Variants in SIN3A observed in about 807,000 individuals in gnomAD.
SIN3A encodes the protein paired amphipathic helix protein Sin3a.
Under a neutral mutation model 146.1 loss-of-function variants are expected in SIN3A, and 14 were observed. The observed-to-expected ratio is 0.10, with a 90% confidence interval of 0.06 to 0.15. SIN3A has a LOEUF of 0.15. Among genes scored for constraint, SIN3A ranks in the 10% least tolerant of loss-of-function variants. SIN3A has a pLI of 1.00. For synonymous variants in SIN3A, 572 were observed against 572.0 expected (o/e 1.00, Z 0.00); for missense variants, 1,028 against 1,576.0 (o/e 0.65, Z 5.89).
intron 3 of SIN3A, chr15:75,420,363 T>A (rs1270899307): frequency 6.6e-6 from 1 of 152,096 alleles, no homozygotes; most frequent in African/African-American, 2.4e-5. Context: ...TGTGTAAGCA[T>A]TCTCACTGAA....
chr15:75,407,842 G>A (rs936818969), intron 8 of SIN3A, among the ~76,000 whole-genome samples: 2 of 122,666 alleles, frequency 1.6e-5, no homozygotes, highest in African/African-American at 3.2e-5. Context: ...GCAGTGAGCC[G>A]AGATCACGCC....
In SIN3A at chr15:75,396,362, G is replaced by A. The variant is rs149841231; in HGVS notation, c.1989C>T (p.Val663=). Residue 663 remains valine (V), a synonymous_variant, in exon 13 of 21, where the codon GTC becomes GTT. Transcript: ENST00000394947. The part of the protein sequence containing the change: ...LDNTLGGTSE[V]IHRKALQRIY... ...TCCTCTGGAGTGCTTTTCTATGGAT[G>A]ACTTCTGATGTGCCCCCAAGGGTGT... 61 of 1,614,116 alleles carry A rather than the reference G, an allele frequency of 3.8e-5. No homozygotes were observed. In the African/African-American group the frequency reaches 7.6e-4, roughly 20 times the overall value.
At chr15:75,450,801 T>A (rs905693637) in intron 1 of SIN3A, among the ~76,000 whole-genome samples, 5 of 151,888 alleles carry the variant, frequency 3.3e-5, no homozygotes, top group Non-Finnish European at 7.4e-5. Flanking sequence ...GCGCCGAGAC[T>A]CCCAGCCAGA....
intron 1 of SIN3A, among the ~76,000 whole-genome samples, chr15:75,436,044 T>C (rs549515231): frequency 6.6e-6 from 1 of 151,818 alleles, no homozygotes; most frequent in Admixed American, 6.6e-5. Context: ...GAAGGATCTC[T>C]TGACCTCAGA....
At chr15:75,411,247 G>A (rs2073633207) in intron 6 of SIN3A, among the ~76,000 whole-genome samples, 5 of 152,216 alleles carry the variant, frequency 3.3e-5, no homozygotes, top group Admixed American at 3.3e-4. Flanking sequence ...AGTATCACTT[G>A]AGCCCGGGAG....
At chr15:75,416,089 T>C in intron 3 of SIN3A, 1 of 230,634 alleles carries the variant, frequency 4.3e-6, no homozygotes, top group South Asian at 6.5e-5. Flanking sequence ...GTTATGAAGT[T>C]TGTAAATTTT....
Position 75,392,277 on chromosome 15 carries a change from T to C in SIN3A, c.2816A>G (p.Asp939Gly), listed in dbSNP as rs1329846880. The change falls in exon 15 of 21, where the codon GAC becomes GGC. Residue 939 changes from aspartate to glycine, a missense_variant. By Grantham distance (94) the Asp-to-Gly change is moderately conservative. Coordinates refer to ENST00000394947, the MANE Select transcript of SIN3A (RefSeq NM_001145358.2). ...GAGACGTAGCTGAATGGCAGGGCTG[T>C]CACTCTTGTCTCGCTTTATGCCCAG... ...EVLGIKRDKS[D>G]SPAIQLRLKE... The C allele has an allele frequency of 6.2e-7, 1 of 1,614,054 alleles. No individual in the cohort carries two copies. Among genetic ancestry groups the C allele is most frequent in the South Asian group, 1.1e-5 (1 of 91,086 alleles).
chr15:75,379,108 C>T (rs1595887346), intron 19 of SIN3A, among the ~76,000 whole-genome samples: 1 of 152,062 alleles, frequency 6.6e-6, no homozygotes, highest in Non-Finnish European at 1.5e-5. Context: ...ACTGTGTTAG[C>T]CAGGATGGTC....
intron 19 of SIN3A, chr15:75,376,111 G>A (rs147420993): frequency 3.8e-4 from 213 of 562,870 alleles, no homozygotes; most frequent in African/African-American, 3.6e-3. Flanking sequence ...CCAGTTAAGA[G>A]TTTTAATGAG....
Position 75,414,291 on chromosome 15 carries a change from A to G in SIN3A, c.387T>C (p.Tyr129=), listed in dbSNP as rs1347788001. 1.1e-5 allele frequency: 17 copies of G among 1,531,286 alleles called. No individual in the cohort carries two copies. Among genetic ancestry groups the G allele is most frequent in the Middle Eastern group, 1.7e-4 (1 of 5,748 alleles). 94.9% of individuals were successfully genotyped at this position (1,531,286 alleles called of 1,614,324 possible). ...QRLKVEDALS[Y]LDQVKLQFGS... ...CAAACTGCAGCTTCACCTGGTCAAG[A>G]TAAGATAGCGCATCCTCCACCTGAG... The change falls in exon 4 of 21, where the codon TAT becomes TAC. Residue 129 remains tyrosine, a synonymous_variant. Transcript: ENST00000394947.
At chr15:75,397,469 C>T (rs2073326576) in intron 12 of SIN3A, among the ~76,000 whole-genome samples, 1 of 152,150 alleles carries the variant, frequency 6.6e-6, no homozygotes, top group Admixed American at 6.5e-5. Flanking sequence ...TCCAAGCTCT[C>T]TTTTCCTCCT....
chr15:75,414,078 G>A (rs2073691369), intron 4 of SIN3A, 127 bp downstream of exon 4: 3 of 422,198 alleles, frequency 7.1e-6, no homozygotes, highest in Non-Finnish European at 1.2e-5. Context: ...ATAAAATAAA[G>A]GCATGATTTT....
intron 6 of SIN3A, 53 bp downstream of exon 6, chr15:75,411,439 A>C (rs2073636930): frequency 6.5e-7 from 1 of 1,536,638 alleles, no homozygotes; most frequent in Admixed American, 1.8e-5. Flanking sequence ...TTATTGGACT[A>C]GATGCCCTAA....
chr15:75,399,994 A>G (rs776757197), intron 12 of SIN3A, 46 bp downstream of exon 12: 25 of 1,024,278 alleles, frequency 2.4e-5, no homozygotes, highest in Non-Finnish European at 3.7e-5. Context: ...AGTCTCACTG[A>G]GCATCTCCCA....
At chr15:75,400,365 C>T (rs751797122) in intron 11 of SIN3A, among the ~76,000 whole-genome samples, 3 of 152,116 alleles carry the variant, frequency 2.0e-5, no homozygotes, top group Non-Finnish European at 2.9e-5. Flanking sequence ...TTTGGGAGGA[C>T]GAAGCAGGAA....
chr15:75,436,051 C>T (rs145628512), intron 1 of SIN3A, among the ~76,000 whole-genome samples: 1 of 151,008 alleles, frequency 6.6e-6, no homozygotes, highest in East Asian at 2.0e-4. Flanking sequence ...CTCTTGACCT[C>T]AGAAGTTGAG....
At chr15:75,402,054 G>A (rs12909488) in intron 9 of SIN3A, 84 bp from the exon 10 acceptor site, 2 of 834,960 alleles carry the variant, frequency 2.4e-6, no homozygotes, top group Middle Eastern at 4.6e-4. Context: ...TCGCCCAGGA[G>A]GAGGCGCAGT....
intron 17 of SIN3A, chr15:75,384,051 T>C: frequency 3.2e-6 from 1 of 315,500 alleles, no homozygotes; most frequent in Non-Finnish European, 5.7e-6. Context: ...CATATATAAC[T>C]AGTTTTTTTT....
intron 9 of SIN3A, among the ~76,000 whole-genome samples, chr15:75,402,191 C>T (rs2073424442): frequency 6.6e-6 from 1 of 152,018 alleles, no homozygotes; most frequent in Non-Finnish European, 1.5e-5. Flanking sequence ...TATTGCCCAG[C>T]TGCCCTGCCA....
Sources: allele counts gnomAD v4.1 joint callset (sites outside exome capture counted in the v4.1 genomes callset), GRCh38; gene constraint gnomAD v4.1.1; transcripts MANE v1.5; gene names NCBI Gene and HGNC (gene_info 2026-07-23, HGNC 2026-07-21).